TES: variants seen among roughly 807,000 people sequenced by gnomAD.
TES encodes testin LIM domain protein.
In TES, 41 loss-of-function variants were observed where a neutral mutation model predicts 48.2. That is an observed-to-expected ratio of 0.85 (90% CI 0.66 to 1.10). The LOEUF is 1.10. TES is among the 50% of genes least tolerant of loss of function. The pLI is 0.00. For missense variants in TES, 463 were observed against 515.1 expected, an observed-to-expected ratio of 0.90 and a Z score of 0.98; for synonymous variants, 162 against 174.9, an observed-to-expected ratio of 0.93 and a Z score of 0.58.
intron 1 of TES, 147 bp downstream of exon 1, chr7:116,210,881 C>A: frequency 6.3e-6 from 4 of 638,034 alleles, no homozygotes; most frequent in Non-Finnish European, 9.0e-6. Flanking sequence ...GGCCCAGGGA[C>A]CTGGCCCCCT....
At chr7:116,222,633 GC>G (rs1799570221) in intron 1 of TES, among the ~76,000 whole-genome samples, 1 of 152,148 alleles carries the variant, frequency 6.6e-6, no homozygotes, top group South Asian at 2.1e-4. Flanking sequence ...GGGATAAAGA[GC>G]CTTAATTAAG....
At chr7:116,218,311 T>TG (rs5886811) in intron 1 of TES, among the ~76,000 whole-genome samples, 152,254 of 152,262 alleles carry the variant, frequency 1, 76,123 homozygotes, top group Middle Eastern at 1. Context: ...GCAGAAAAGA[T>TG]GGCATTCAGC....
At chr7:116,235,738 T>C (rs766244667) in intron 2 of TES, among the ~76,000 whole-genome samples, 1 of 152,198 alleles carries the variant, frequency 6.6e-6, no homozygotes, top group Non-Finnish European at 1.5e-5. Context: ...TTAGGATGAC[T>C]CTCATTTGAG....
intron 1 of TES, among the ~76,000 whole-genome samples, chr7:116,229,357 GAGA>G (rs1799668103): frequency 6.6e-6 from 1 of 152,122 alleles, no homozygotes; most frequent in Non-Finnish European, 1.5e-5. Flanking sequence ...TTCAGGAAAG[GAGA>G]AGAACACTAA....
At chr7:116,221,182 TA>T (rs1280649656) in intron 1 of TES, among the ~76,000 whole-genome samples, 2 of 152,152 alleles carry the variant, frequency 1.3e-5, no homozygotes, top group African/African-American at 2.4e-5. Context: ...TTTGCTAATT[TA>T]AAAATTATTC....
intron 1 of TES, chr7:116,217,719 T>G (rs1563004539): frequency 2.0e-6 from 1 of 507,652 alleles, no homozygotes; most frequent in African/African-American, 1.9e-5. Flanking sequence ...TACTGTTCTT[T>G]GAGTAAATAT....
At chr7:116,243,368 C>G (rs1799874668) in intron 2 of TES, among the ~76,000 whole-genome samples, 1 of 152,136 alleles carries the variant, frequency 6.6e-6, no homozygotes, top group African/African-American at 2.4e-5. Flanking sequence ...ACTCCCTACT[C>G]CTCTGTTTTT....
At chr7:116,248,715 C>T (rs1191260688) in intron 2 of TES, among the ~76,000 whole-genome samples, 1 of 152,078 alleles carries the variant, frequency 6.6e-6, no homozygotes, top group Non-Finnish European at 1.5e-5. Context: ...ATATTTTCTT[C>T]CATTCTATAG....
At chr7:116,219,057 A>G (rs1424184508) in intron 1 of TES, among the ~76,000 whole-genome samples, 1 of 152,152 alleles carries the variant, frequency 6.6e-6, no homozygotes, top group Non-Finnish European at 1.5e-5. Context: ...TAGAAATACA[A>G]ACAACTGTTA....
intron 1 of TES, among the ~76,000 whole-genome samples, chr7:116,214,293 AAAAAGGACT>A (rs1211393781): frequency 6.6e-6 from 1 of 152,192 alleles, no homozygotes. Flanking sequence ...ATACTATTGG[AAAAAGGACT>A]AAACTACAAA....
rs139720375 is a variant in TES, at chr7:116,257,872, AAAG to A, written c.*393_*395del. On this transcript the variant is annotated 3_prime_UTR_variant, in exon 7 of 7. Transcript: ENST00000358204. Reference sequence around the variant, plus strand: ...TTTTTCCCCCTCATGTGTAAAATGAAAAGAAAACTAAATTTGCCCTAATACCAA... The same window carrying A: ...TTTTTCCCCCTCATGTGTAAAATGAAAAAACTAAATTTGCCCTAATACCAA... The A allele has an allele frequency of 0.16, 25,517 of 158,492 alleles. 2,301 individuals are homozygous for A. Among genetic ancestry groups the A allele is most frequent in the East Asian group, 0.43 (2,283 of 5,290 alleles). 9.8% of individuals were successfully genotyped at this position (158,492 alleles called of 1,614,324 possible).
rs930229876 is a variant in TES at position 116,210,675 on chromosome 7, A to G, written c.-33A>G. On this transcript the variant is annotated 5_prime_UTR_variant, in exon 1 of 7. The change creates a new upstream start codon in the 5' untranslated region. Coordinates refer to ENST00000358204, the MANE Select transcript of TES (RefSeq NM_015641.4). ...TGAACCCGGCCGTGGGATCCCGGAT[A>G]GGAGGAGGAGGGGACCCATAGGACG... The G allele has an allele frequency of 3.8e-6, 5 of 1,301,922 alleles. No individual in the cohort carries two copies. Among genetic ancestry groups the G allele is most frequent in the Non-Finnish European group, 4.9e-6 (5 of 1,013,422 alleles). The allele number at this position is 1,301,922 out of a possible 1,614,324, so 80.6% of individuals were successfully genotyped here.
At chr7:116,226,436 G>A (rs1174219005) in intron 1 of TES, among the ~76,000 whole-genome samples, 2 of 152,040 alleles carry the variant, frequency 1.3e-5, no homozygotes, top group African/African-American at 4.8e-5. Flanking sequence ...AGAAGAAGAG[G>A]AGCAGAGGTT....
Position 116,257,655 on chromosome 7 carries a change from A to G in TES, c.*173A>G. The G allele has an allele frequency of 1.9e-6, 1 of 522,414 alleles. No homozygotes were observed. The highest frequency in any genetic ancestry group is 3.2e-6 in the Non-Finnish European group (1 of 310,780). 32.4% of individuals were successfully genotyped at this position (522,414 alleles called of 1,614,324 possible). The stretch of plus-strand genomic sequence containing the variant: ...CTTCATCAATTTTTTTTCGGTCTCA[A>G]CTTTTAAACTTGGTTTAAGCATTTG... On this transcript the variant is annotated 3_prime_UTR_variant, in exon 7 of 7. Coordinates refer to ENST00000358204, the MANE Select transcript of TES (RefSeq NM_015641.4).
rs529512626 is a variant in TES, at chr7:116,251,091, G to T, written c.702+595G>T. 4.6e-4 allele frequency among the ~76,000 whole-genome samples: 70 copies of T among 152,118 alleles called. 1 individual carries two copies. The South Asian group carries it at 0.013, about 28-fold the overall frequency. Reference sequence around the variant, plus strand: ...CTCCAGTTAGCACACCAACCAATAAGGCTTAGTCCTGAAAAAAGAGCACTA... The same window carrying T: ...CTCCAGTTAGCACACCAACCAATAATGCTTAGTCCTGAAAAAAGAGCACTA... On this transcript the variant is annotated intron_variant, in intron 4 of 6. Coordinates refer to ENST00000358204, the MANE Select transcript of TES (RefSeq NM_015641.4).
intron 6 of TES, among the ~76,000 whole-genome samples, chr7:116,254,568 T>C (rs1366651851): frequency 6.6e-6 from 1 of 152,070 alleles, no homozygotes; most frequent in Non-Finnish European, 1.5e-5. Flanking sequence ...ACCCCGTCTC[T>C]ATTAAAAATA....
At chr7:116,211,086 G>A (rs1163816603) in intron 1 of TES, 4 of 200,756 alleles carry the variant, frequency 2.0e-5, no homozygotes, top group African/African-American at 9.3e-5. Flanking sequence ...CGAGCTTAGG[G>A]CGAGTGCGGG....
At chr7:116,229,033 T>TATATATAAAA (rs1417517023) in intron 1 of TES, among the ~76,000 whole-genome samples, 1 of 115,496 alleles carries the variant, frequency 8.7e-6, no homozygotes, top group Non-Finnish European at 1.8e-5. Flanking sequence ...TATATATATA[T>TATATATAAAA]AATCATTTCC....
rs764962257 is a variant in TES at position 116,250,479 on chromosome 7, C to T, written c.685C>T (p.His229Tyr). The T allele has an allele frequency of 3.2e-6, 5 of 1,546,904 alleles. No homozygotes were observed. In the African/African-American group the frequency reaches 6.9e-5, roughly 21 times the overall value. Reference sequence around the variant, plus strand: ...GGCCATGGAGGACAAATCTGCTGAGCACAAAAGAACTCAATATGTAAGTAG... The same window carrying T: ...GGCCATGGAGGACAAATCTGCTGAGTACAAAAGAACTCAATATGTAAGTAG... ...VGAMEDKSAE[H>Y]KRTQYSCYCC... is the part of the protein sequence containing the mutation. Residue 229 changes from histidine to tyrosine, a missense_variant, in exon 4 of 7, where the codon CAC (histidine) becomes TAC (tyrosine). Physicochemically the swap from His to Tyr is moderately conservative, Grantham distance 83. Coordinates refer to ENST00000358204, the MANE Select transcript of TES (RefSeq NM_015641.4).
Sources: allele counts gnomAD v4.1 joint callset (sites outside exome capture counted in the v4.1 genomes callset), GRCh38; gene constraint gnomAD v4.1.1; transcripts MANE v1.5; gene names NCBI Gene and HGNC (gene_info 2026-07-23, HGNC 2026-07-21).